Variants in MARF1 observed in about 807,000 individuals in gnomAD.
MARF1 encodes limkain-b1.
MARF1 carries 24 observed loss-of-function variants against 168.2 expected under a neutral mutation model. That is an observed-to-expected ratio of 0.14 (90% confidence interval 0.10 to 0.20). The LOEUF (loss-of-function observed/expected upper bound fraction) is 0.20. Ranked by LOEUF, MARF1 falls within the 10% of genes least tolerant of loss-of-function variation. MARF1 has a pLI of 1.00. For synonymous variants in MARF1, 868 were observed against 822.4 expected, an observed-to-expected ratio of 1.06 and a Z score of -0.95; for missense variants, 1,744 against 2,143.6, an observed-to-expected ratio of 0.81 and a Z score of 3.68.
intron 16 of MARF1, among the ~76,000 whole-genome samples, chr16:15,614,348 T>G (rs1434248762): frequency 6.8e-6 from 1 of 148,148 alleles, no homozygotes; most frequent in Non-Finnish European, 1.5e-5. Flanking sequence ...CCGGGCGTGG[T>G]GGCAGGCGTC....
chr16:15,617,325 T>C lies in MARF1; in HGVS notation c.2931A>G (p.Arg977=), dbSNP rs373821774. ...TGAAATCCTTATTGGAACAATGCTG[T>C]CTGCAGACAGGCTCGTGATATTCTA... ...EELEYHEPVC[R]QHCSNKDFSE... Residue 977 remains arginine (R), a synonymous_variant, in exon 14 of 27, where the codon AGA becomes AGG. Transcript: ENST00000396368. 12 of 1,613,934 alleles carry C rather than the reference T, an allele frequency of 7.4e-6. No individual in the cohort carries two copies. Among genetic ancestry groups the C allele is most frequent in the African/African-American group, 1.3e-5 (1 of 74,922 alleles).
chr16:15,595,370 T>TC lies in MARF1; in HGVS notation c.*1322dup, dbSNP rs1253984437. 3.9e-5 allele frequency: 6 copies of TC among 152,558 alleles called. No homozygotes were observed. Among genetic ancestry groups the TC allele is most frequent in the Admixed American group, 3.9e-4 (6 of 15,264 alleles). The allele number at this position is 152,558 out of a possible 1,614,324, so 9.5% of individuals were successfully genotyped here. Reference sequence around the variant, plus strand: ...CTAGAAGTTACCAAATATAAACATTTCCCCAAAAGAAACCATCTAACTAGT... The same window carrying TC: ...CTAGAAGTTACCAAATATAAACATTTCCCCCAAAAGAAACCATCTAACTAGT... On this transcript the variant is annotated 3_prime_UTR_variant, in exon 27 of 27. Coordinates refer to ENST00000396368, the MANE Select transcript of MARF1 (RefSeq NM_014647.4).
Position 15,594,688 on chromosome 16 carries a change from AATAG to A in MARF1, c.*2001_*2004del, listed in dbSNP as rs1188980569. 2 of 152,668 alleles carry A rather than the reference AATAG, an allele frequency of 1.3e-5. No individual in the cohort carries two copies. The highest frequency in any genetic ancestry group is 2.1e-4 in the South Asian group (1 of 4,828). The allele number at this position is 152,668 out of a possible 1,614,324, so 9.5% of individuals were successfully genotyped here. A position where few individuals can be genotyped will look rare whatever the true frequency, so the allele number is the denominator to read the frequency against. ...ATTTAATTAAGCCTCTGGATAAAAA[AATAG>A]ATAGCAATTGGACTGGCCATTGTGG... is the stretch of plus-strand genomic sequence containing the variant. On this transcript the variant is annotated 3_prime_UTR_variant, in exon 27 of 27. Coordinates refer to ENST00000396368, the MANE Select transcript of MARF1 (RefSeq NM_014647.4).
chr16:15,594,519 A>G lies in MARF1; in HGVS notation c.*2174T>C. ...ATCTCTTTCCCCCAAACCCAATCCA[A>G]AACAAACAGTGCAAGATGGGAAAGG... is the stretch of plus-strand genomic sequence containing the variant. On this transcript the variant is annotated 3_prime_UTR_variant, in exon 27 of 27. Coordinates refer to ENST00000396368, the MANE Select transcript of MARF1 (RefSeq NM_014647.4). 6.6e-6 allele frequency: 1 copy of G among 152,632 alleles called. No individual in the cohort carries two copies. Among genetic ancestry groups the G allele is most frequent in the Admixed American group, 6.5e-5 (1 of 15,286 alleles). The allele number at this position is 152,632 out of a possible 1,614,324, so 9.5% of individuals were successfully genotyped here.
rs371827281 is a variant in MARF1 at position 15,622,160 on chromosome 16, C to A, written c.2461-249G>T. ...CAGGTTTCCAAGGCAGGCTCAGAGG[C>A]CAACACATGGGAAGAGTGTTTGGGG... On this transcript the variant is annotated intron_variant, in intron 11 of 26. Transcript: ENST00000396368. Among the ~76,000 whole-genome samples the A allele has an allele frequency of 5.3e-5, 8 of 152,222 alleles. No individual in the cohort carries two copies. In the East Asian group the frequency reaches 1.5e-3, roughly 29 times the overall value.
chr16:15,595,865 T>C lies in MARF1; in HGVS notation c.*828A>G, dbSNP rs569965403. The stretch of plus-strand genomic sequence containing the variant: ...TTTTAGAAAATCAGGCTCTTTCCAA[T>C]GCTGCCTCTCGACACACAATAATGT... On this transcript the variant is annotated 3_prime_UTR_variant, in exon 27 of 27. Transcript: ENST00000396368. 57 of 152,332 alleles carry C rather than the reference T, an allele frequency of 3.7e-4. No homozygotes were observed. The highest frequency in any genetic ancestry group is 1.3e-3 in the African/African-American group (56 of 41,558). 9.4% of individuals were successfully genotyped at this position (152,332 alleles called of 1,614,324 possible). A position where few individuals can be genotyped will look rare whatever the true frequency, so the allele number is the denominator to read the frequency against.
chr16:15,642,400 T>TA (rs2036064261), intron 1 of MARF1: 1 of 152,142 alleles, frequency 6.6e-6, no homozygotes, highest in South Asian at 2.1e-4. Flanking sequence ...TAAAGCTTAA[T>TA]AAATAGGAAA....
Position 15,639,264 on chromosome 16 carries a change from C to A in MARF1, c.-31G>T. 6.3e-7 allele frequency: 1 copy of A among 1,594,166 alleles called. No homozygotes were observed. The highest frequency in any genetic ancestry group is 8.5e-7 in the Non-Finnish European group (1 of 1,169,972). On this transcript the variant is annotated 5_prime_UTR_variant, in exon 2 of 27. It removes an upstream start codon present in the reference 5' UTR. Coordinates refer to ENST00000396368, the MANE Select transcript of MARF1 (RefSeq NM_014647.4). Reference sequence around the variant, plus strand: ...CATGCAAAGTGATTCAACATCCTTTCATCTTTCTTTTCTTTCATTCTTCCA... The same window carrying A: ...CATGCAAAGTGATTCAACATCCTTTAATCTTTCTTTTCTTTCATTCTTCCA...
At position 15,617,379 on chromosome 16, in the gene MARF1, C is replaced by T. The variant is rs1325046133; in HGVS notation, c.2877G>A (p.Thr959=). 6.8e-6 allele frequency: 11 copies of T among 1,614,016 alleles called. No homozygotes were observed. The highest frequency in any genetic ancestry group is 5.0e-5 in the Admixed American group (3 of 59,994). ...CTTCAAATATAATTGGGCTGCAATTCGTGGAGGAGCCGTCGTGTGACTGGG... is the reference window on the plus strand; with the variant it reads ...CTTCAAATATAATTGGGCTGCAATTTGTGGAGGAGCCGTCGTGTGACTGGG... ...GSSQSHDGSS[T]NCSPIIFEEL... is the part of the protein sequence containing the mutation. Residue 959 remains threonine (T), a synonymous_variant, in exon 14 of 27, where the codon ACG becomes ACA. Transcript: ENST00000396368.
At chr16:15,598,780 A>G in intron 26 of MARF1, 74 bp downstream of exon 26, 1 of 1,418,542 alleles carries the variant, frequency 7.0e-7, no homozygotes, top group East Asian at 2.3e-5. Flanking sequence ...TCCGTCATTT[A>G]CTATATCAGT....
intron 1 of MARF1, among the ~76,000 whole-genome samples, chr16:15,642,097 AC>A (rs1391949201): frequency 6.6e-6 from 1 of 151,942 alleles, no homozygotes; most frequent in Non-Finnish European, 1.5e-5. Flanking sequence ...AATAGAAACC[AC>A]CTTACAAGGC....
chr16:15,613,414 C>G (rs2033747046), intron 16 of MARF1, among the ~76,000 whole-genome samples: 1 of 152,026 alleles, frequency 6.6e-6, no homozygotes, highest in South Asian at 2.1e-4. Flanking sequence ...CTTTGGGAGG[C>G]TGAGGCGGGC....
chr16:15,599,145 T>G lies in MARF1; in HGVS notation c.4814-121A>C, dbSNP rs186258376. 4 of 722,910 alleles carry G rather than the reference T, an allele frequency of 5.5e-6. No homozygotes were observed. In the East Asian group the frequency reaches 1.2e-4, roughly 21 times the overall value. 44.8% of individuals were successfully genotyped at this position (722,910 alleles called of 1,614,324 possible). A position where few individuals can be genotyped will look rare whatever the true frequency, so the allele number is the denominator to read the frequency against. On this transcript the variant is annotated intron_variant, in intron 25 of 26. Transcript: ENST00000396368. ...TAAAGATAAGAGAGTCAAGAAGTAT[T>G]TAAGGTATTAAAAAAAAAAAAAAAA...
intron 3 of MARF1, chr16:15,635,308 C>A (rs2035510790): frequency 2.5e-6 from 1 of 399,344 alleles, no homozygotes; most frequent in African/African-American, 2.0e-5. Flanking sequence ...ATGCAGTTAT[C>A]TACCTTACAT....
At chr16:15,611,933 G>A (rs902524043) in intron 17 of MARF1, among the ~76,000 whole-genome samples, 199 bp from the exon 18 acceptor site, 9 of 152,152 alleles carry the variant, frequency 5.9e-5, no homozygotes, top group Non-Finnish European at 8.8e-5. Context: ...AACTCTTATC[G>A]TTTTTGGCCT....
In MARF1 at chr16:15,625,546, CTT is replaced by C. The variant is rs935183433; in HGVS notation, c.1777_1778del (p.Lys593GlufsTer7). ...TPKNRELCET[K>X]SSNAIADKVK... ...CTTTATCAGCAATTGCATTTGAACT[CTT>C]TGTTTCACAGAGTTCTCTATTTTTT... is the stretch of plus-strand genomic sequence containing the variant. On this transcript the variant is annotated frameshift_variant, in exon 8 of 27. Transcript: ENST00000396368. LOFTEE classifies it high-confidence loss of function. The C allele has an allele frequency of 1.2e-6, 2 of 1,614,090 alleles. No homozygotes were observed. Among genetic ancestry groups the C allele is most frequent in the Admixed American group, 1.7e-5 (1 of 59,996 alleles).
chr16:15,610,188 G>T (rs1052886183), intron 19 of MARF1: 2 of 154,002 alleles, frequency 1.3e-5, no homozygotes, highest in African/African-American at 4.8e-5. Context: ...GGCTTCAAAA[G>T]TTGAACAAAA....
At chr16:15,642,469 A>T (rs1471142293) in intron 1 of MARF1, 1 of 152,256 alleles carries the variant, frequency 6.6e-6, no homozygotes. Context: ...CGCTCAGAGA[A>T]GTCCAAAAGA....
chr16:15,633,977 C>T, intron 4 of MARF1, 134 bp from the exon 5 acceptor site: 1 of 701,290 alleles, frequency 1.4e-6, no homozygotes. Flanking sequence ...TTAAGGCTAC[C>T]AACCTCACTG....
Sources: gnomAD v4.1 joint callset for allele counts (sites outside exome capture counted in the v4.1 genomes callset) on GRCh38, gnomAD v4.1.1 for gene constraint, MANE v1.5 for transcripts, NCBI Gene and HGNC (gene_info 2026-07-23, HGNC 2026-07-21) for gene names.